LRP6: variants seen among roughly 807,000 people sequenced by gnomAD.
LRP6 encodes the protein LDL receptor related protein 6.
LRP6 carries 43 observed loss-of-function variants against 184.1 expected under a neutral mutation model. The observed-to-expected ratio is 0.23, with a 90% CI of 0.18 to 0.30. LRP6 has a LOEUF of 0.30. Ranked by LOEUF, LRP6 falls within the 10% of genes least tolerant of loss-of-function variation. The probability of loss-of-function intolerance (pLI) is 1.00; values close to 1 mark genes in which losing one functional copy is unlikely to be tolerated. For missense variants in LRP6, 1,571 were observed against 2,005.3 expected (o/e 0.78, Z 4.14); for synonymous variants, 719 against 684.9 (o/e 1.05, Z -0.78).
chr12:12,120,890 A>AT lies in LRP6; in HGVS notation c.*235dup, dbSNP rs558468012. 11 of 377,806 alleles carry AT rather than the reference A, an allele frequency of 2.9e-5. No individual in the cohort carries two copies. Among genetic ancestry groups the AT allele is most frequent in the East Asian group, 4.1e-5 (1 of 24,204 alleles). The allele number at this position is 377,806 out of a possible 1,614,324, so 23.4% of individuals were successfully genotyped here. A position where few individuals can be genotyped will look rare whatever the true frequency, so the allele number is the denominator to read the frequency against. On this transcript the variant is annotated 3_prime_UTR_variant, in exon 23 of 23. Transcript: ENST00000261349. ...TGCAAAAATAAAACTTTTAGTACAA[A>AT]TTTTTTTTATACAAACTTTTATGGC...
intron 2 of LRP6, among the ~76,000 whole-genome samples, chr12:12,227,410 T>C (rs1864656222): frequency 7.4e-6 from 1 of 135,712 alleles, no homozygotes. Flanking sequence ...TTTCTTTTCC[T>C]TTTTTTTTTT....
chr12:12,152,647 T>C (rs979953056), intron 12 of LRP6, among the ~76,000 whole-genome samples: 6 of 152,194 alleles, frequency 3.9e-5, no homozygotes, highest in African/African-American at 7.2e-5. Flanking sequence ...TAAATCTTCA[T>C]TAAAATATCT....
At chr12:12,129,434 T>C (rs1017023106) in intron 19 of LRP6, among the ~76,000 whole-genome samples, 1 of 152,184 alleles carries the variant, frequency 6.6e-6, no homozygotes, top group Non-Finnish European at 1.5e-5. Context: ...TTACATGGAG[T>C]TTCCCAGAGG....
intron 1 of LRP6, among the ~76,000 whole-genome samples, chr12:12,253,803 A>G (rs1865389109): frequency 6.6e-6 from 1 of 152,102 alleles, no homozygotes; most frequent in Non-Finnish European, 1.5e-5. Flanking sequence ...CTTCCCTGAA[A>G]GCACTTGCAA....
intron 2 of LRP6, among the ~76,000 whole-genome samples, chr12:12,205,550 G>A (rs1216434276): frequency 6.6e-6 from 1 of 152,122 alleles, no homozygotes; most frequent in Non-Finnish European, 1.5e-5. Flanking sequence ...AGAATATCAT[G>A]TAGGGGAATA....
intron 18 of LRP6, 25 bp downstream of exon 18, chr12:12,131,796 T>C (rs1949762390): frequency 6.3e-7 from 1 of 1,577,804 alleles, no homozygotes; most frequent in Non-Finnish European, 8.7e-7. Context: ...GATTGCATGC[T>C]GAGGCACTGA....
rs368329289 is a variant in LRP6 at position 12,181,150 on chromosome 12, A to G, written c.1266T>C (p.Thr422=). Residue 422 remains threonine, a synonymous_variant, in exon 6 of 23, where the codon ACT becomes ACC. Coordinates refer to ENST00000261349, the MANE Select transcript of LRP6 (RefSeq NM_002336.3). The part of the protein sequence containing the change: ...WVARNLYWTD[T]GTDRIEVTRL... ...TTGTCACTTCTATTCGATCAGTGCCAGTGTCTGTCCAATAAAGATTTCGTG... is the reference window on the plus strand; with the variant it reads ...TTGTCACTTCTATTCGATCAGTGCCGGTGTCTGTCCAATAAAGATTTCGTG... 2.5e-5 allele frequency: 41 copies of G among 1,614,020 alleles called. No individual in the cohort carries two copies. The highest frequency in any genetic ancestry group is 3.2e-5 in the Non-Finnish European group (38 of 1,180,002).
At chr12:12,165,039 T>C in intron 8 of LRP6, 40 bp downstream of exon 8, 1 of 1,509,926 alleles carries the variant, frequency 6.6e-7, no homozygotes. Context: ...CTTTTTTCAT[T>C]CCTGGTTCCC....
At chr12:12,121,631 G>A (rs927776624) in intron 22 of LRP6, among the ~76,000 whole-genome samples, 2 of 152,148 alleles carry the variant, frequency 1.3e-5, no homozygotes, top group Non-Finnish European at 1.5e-5. Flanking sequence ...AAAGTGGCAA[G>A]TGAAAATGAA....
chr12:12,241,959 A>G (rs1865077817), intron 2 of LRP6, among the ~76,000 whole-genome samples: 2 of 152,236 alleles, frequency 1.3e-5, no homozygotes, highest in African/African-American at 4.8e-5. Flanking sequence ...ACTTCAGAAG[A>G]TACTTATCAG....
intron 9 of LRP6, among the ~76,000 whole-genome samples, chr12:12,162,992 T>C (rs1046109059): frequency 2.0e-5 from 3 of 152,174 alleles, no homozygotes; most frequent in African/African-American, 7.2e-5. Flanking sequence ...TTTTATGTTT[T>C]TGAGACAGAG....
chr12:12,139,785 A>C lies in LRP6; in HGVS notation c.3398-1251T>G, dbSNP rs143341436. ...AAGGTATAAACCCATAAGGACAAAG[A>C]AGGCAGAAGAACAGAAGAGAGCAGG... On this transcript the variant is annotated intron_variant, in intron 15 of 22. Transcript: ENST00000261349. 3.0e-3 allele frequency among the ~76,000 whole-genome samples: 452 copies of C among 152,290 alleles called. 2 individuals are homozygous for C. Among genetic ancestry groups the C allele is most frequent in the Non-Finnish European group, 4.6e-3 (314 of 68,022 alleles).
At chr12:12,262,708 T>C (rs926585475) in intron 1 of LRP6, among the ~76,000 whole-genome samples, 9 of 151,992 alleles carry the variant, frequency 5.9e-5, no homozygotes, top group African/African-American at 1.9e-4. Context: ...ACTAAGAAAA[T>C]GGTAAGGATG....
chr12:12,162,282 C>T lies in LRP6; in HGVS notation c.2190G>A (p.Glu730=), dbSNP rs746764302. 3.7e-6 allele frequency: 6 copies of T among 1,614,140 alleles called. No homozygotes were observed. The highest frequency in any genetic ancestry group is 4.2e-6 in the Non-Finnish European group (5 of 1,180,018). Residue 730 remains glutamate, a synonymous_variant, in exon 10 of 23, where the codon GAG becomes GAA. Coordinates refer to ENST00000261349, the MANE Select transcript of LRP6 (RefSeq NM_002336.3). ...GGTGCTGCCCATCCAACTTTGACAC[C>T]TCAATTCGATTCGTTCCTGTGTCTG... The part of the protein sequence containing the change: ...YWADTGTNRI[E]VSKLDGQHRQ...
At chr12:12,215,295 C>A (rs947725704) in intron 2 of LRP6, among the ~76,000 whole-genome samples, 3 of 151,880 alleles carry the variant, frequency 2.0e-5, no homozygotes, top group African/African-American at 7.3e-5. Context: ...CCCACTGATC[C>A]CTGAGATTTG....
At chr12:12,194,796 GTGGTATAGAATACTCAAGCTTTTTCTAAC>G (rs1863710391) in intron 3 of LRP6, among the ~76,000 whole-genome samples, 1 of 152,086 alleles carries the variant, frequency 6.6e-6, no homozygotes, top group Non-Finnish European at 1.5e-5. Context: ...TCATCCTACA[GTGGTATAGAATACTCAAGCTTTTTCTAAC>G]TGTAATTCTG....
At chr12:12,154,135 CTCTGA>C (rs1290515090) in intron 12 of LRP6, among the ~76,000 whole-genome samples, 1 of 152,182 alleles carries the variant, frequency 6.6e-6, no homozygotes, top group Non-Finnish European at 1.5e-5. Context: ...CCCATTTCCT[CTCTGA>C]TCTAATTTCT....
intron 2 of LRP6, among the ~76,000 whole-genome samples, chr12:12,230,118 G>A (rs964031879): frequency 6.6e-6 from 1 of 152,158 alleles, no homozygotes; most frequent in Non-Finnish European, 1.5e-5. Flanking sequence ...GTGAAAGGTA[G>A]AAGATGAGCT....
chr12:12,179,395 T>TATAGAC (rs1555112362), intron 7 of LRP6, among the ~76,000 whole-genome samples: 51 of 146,224 alleles, frequency 3.5e-4, no homozygotes, highest in African/African-American at 1.3e-3. Context: ...TAGATATAGA[T>TATAGAC]ATAGATATAG....
Sources: allele counts gnomAD v4.1 joint callset (sites outside exome capture counted in the v4.1 genomes callset), GRCh38; gene constraint gnomAD v4.1.1; transcripts MANE v1.5; gene names NCBI Gene and HGNC (gene_info 2026-07-23, HGNC 2026-07-21).